Variants in DLG2 observed in about 807,000 individuals in gnomAD.
DLG2 encodes disks large homolog 2.
DLG2 carries 45 observed loss-of-function variants against 132.5 expected under a neutral mutation model. The ratio of observed to expected loss-of-function variants is 0.34; its 90% CI spans 0.27 to 0.44. The LOEUF is 0.44. Ranked by LOEUF, DLG2 falls within the 20% of genes least tolerant of loss-of-function variation. The probability of loss-of-function intolerance (pLI) is 1.00; values close to 1 mark genes in which losing one functional copy is unlikely to be tolerated. For missense variants in DLG2, 1,045 were observed against 1,196.9 expected, an observed-to-expected ratio of 0.87 and a Z score of 1.87; for synonymous variants, 424 against 419.6, an observed-to-expected ratio of 1.01 and a Z score of -0.13.
chr11:85,049,554 A>G (rs2062691227), intron 6 of DLG2, among the ~76,000 whole-genome samples: 1 of 152,096 alleles, frequency 6.6e-6, no homozygotes, highest in South Asian at 2.1e-4. Context: ...AGATGCCAGT[A>G]ATTATCTGCA....
chr11:84,600,398 T>G (rs2099574328), intron 6 of DLG2, among the ~76,000 whole-genome samples: 1 of 152,106 alleles, frequency 6.6e-6, no homozygotes, highest in Non-Finnish European at 1.5e-5. Flanking sequence ...TATTATTAAC[T>G]TGTATTGGTA....
intron 21 of DLG2, among the ~76,000 whole-genome samples, chr11:83,487,517 T>A (rs1432631027): frequency 6.6e-6 from 1 of 152,056 alleles, no homozygotes; most frequent in Non-Finnish European, 1.5e-5. Flanking sequence ...AAGTCAGAAA[T>A]TGAATTTGCA....
chr11:85,323,665 C>T (rs929433614), intron 3 of DLG2, among the ~76,000 whole-genome samples: 1 of 152,174 alleles, frequency 6.6e-6, no homozygotes, highest in Non-Finnish European at 1.5e-5. Flanking sequence ...TCCCTACTAC[C>T]TTTCTCAGCT....
intron 21 of DLG2, among the ~76,000 whole-genome samples, chr11:83,508,403 A>ATTTTTTTTCT (rs2094841040): frequency 1.2e-5 from 1 of 80,238 alleles, no homozygotes; most frequent in Non-Finnish European, 2.2e-5. Context: ...CGCCTGGCTA[A>ATTTTTTTTCT]TTTTTTTTTT....
intron 6 of DLG2, among the ~76,000 whole-genome samples, chr11:84,729,966 A>G (rs1485491909): frequency 3.3e-5 from 5 of 152,004 alleles, no homozygotes; most frequent in Non-Finnish European, 5.9e-5. Context: ...GTTTTTTGAA[A>G]TAATTATTGT....
chr11:84,367,628 C>A (rs2098689560), intron 7 of DLG2, among the ~76,000 whole-genome samples: 1 of 151,964 alleles, frequency 6.6e-6, no homozygotes, highest in Non-Finnish European at 1.5e-5. Context: ...AATGGGTTAT[C>A]ATGGGAATGG....
intron 6 of DLG2, among the ~76,000 whole-genome samples, chr11:84,535,771 C>T (rs1378918840): frequency 6.6e-6 from 1 of 152,128 alleles, no homozygotes; most frequent in Non-Finnish European, 1.5e-5. Context: ...TACATCTGAC[C>T]TCTTAATCAG....
At chr11:85,069,682 G>A (rs1396710898) in intron 6 of DLG2, among the ~76,000 whole-genome samples, 1 of 152,094 alleles carries the variant, frequency 6.6e-6, no homozygotes, top group African/African-American at 2.4e-5. Flanking sequence ...TGGAGAAATA[G>A]GAACACTTTT....
chr11:84,741,447 C>T (rs2064658175), intron 6 of DLG2, among the ~76,000 whole-genome samples: 1 of 152,044 alleles, frequency 6.6e-6, no homozygotes, highest in Admixed American at 6.5e-5. Context: ...TACACGTACC[C>T]TTGATCTAAG....
intron 19 of DLG2, among the ~76,000 whole-genome samples, chr11:83,597,521 C>T (rs970828714): frequency 5.9e-5 from 9 of 151,660 alleles, no homozygotes; most frequent in Non-Finnish European, 1.2e-4. Flanking sequence ...CCGTCTCTAC[C>T]AAAATTAAAT....
intron 9 of DLG2, among the ~76,000 whole-genome samples, chr11:84,153,171 T>A (rs1216984858): frequency 6.6e-6 from 1 of 152,200 alleles, no homozygotes; most frequent in Non-Finnish European, 1.5e-5. Context: ...AGACCCTCAA[T>A]CTCTTCTGGC....
chr11:84,109,346 C>T (rs181977227), intron 9 of DLG2, among the ~76,000 whole-genome samples: 67 of 152,168 alleles, frequency 4.4e-4, no homozygotes. Flanking sequence ...ATGGGCTTTC[C>T]TGGAGAAACT....
intron 3 of DLG2, among the ~76,000 whole-genome samples, chr11:85,482,660 G>T (rs375813399): frequency 1.3e-5 from 2 of 152,032 alleles, no homozygotes; most frequent in Non-Finnish European, 2.9e-5. Flanking sequence ...CCAGCCTAAT[G>T]GTCCCAGGTA....
At chr11:85,391,918 G>C (rs1277292671) in intron 3 of DLG2, among the ~76,000 whole-genome samples, 1 of 152,012 alleles carries the variant, frequency 6.6e-6, no homozygotes. Flanking sequence ...ATTCAACATA[G>C]TACTAGAAGC....
In DLG2 at chr11:85,191,394, A is replaced by AAC. The variant is rs140066136; in HGVS notation, c.187-36745_187-36744dup. On this transcript the variant is annotated intron_variant, in intron 4 of 27. Transcript: ENST00000376104. ...TCCCACCACACACCACACCCCCACC[A>AAC]ACACACACACACACGTTGTTCCCCC... Among the ~76,000 whole-genome samples the AAC allele has an allele frequency of 4.8e-3, 701 of 145,818 alleles. 5 individuals are homozygous for AAC. Among genetic ancestry groups the AAC allele is most frequent in the African/African-American group, 0.016 (641 of 39,332 alleles).
intron 7 of DLG2, among the ~76,000 whole-genome samples, chr11:84,273,518 T>C (rs2097757155): frequency 6.6e-6 from 1 of 152,002 alleles, no homozygotes; most frequent in South Asian, 2.1e-4. Flanking sequence ...CCATCAGTGC[T>C]CTCCTGTCTT....
rs1019120417 is a variant in DLG2 at position 85,511,312 on chromosome 11, T to G, written c.40+87345A>C. 5.3e-5 allele frequency among the ~76,000 whole-genome samples: 8 copies of G among 152,072 alleles called. No homozygotes were observed. In the South Asian group the frequency reaches 8.3e-4, roughly 16 times the overall value. Reference sequence around the variant, plus strand: ...GGGTGCAGCATACCAACATGGCACATGTATACACATGTAACAAACCTGCAT... The same window carrying G: ...GGGTGCAGCATACCAACATGGCACAGGTATACACATGTAACAAACCTGCAT... On this transcript the variant is annotated intron_variant, in intron 3 of 27. Coordinates refer to ENST00000376104, the MANE Select transcript of DLG2 (RefSeq NM_001142699.3).
At chr11:83,790,872 C>T in intron 17 of DLG2, 1 of 748,726 alleles carries the variant, frequency 1.3e-6, no homozygotes, top group Admixed American at 2.0e-5. Flanking sequence ...GCTACTTGAT[C>T]CTTCCAAAGG....
intron 4 of DLG2, among the ~76,000 whole-genome samples, chr11:85,275,048 T>A (rs2077801519): frequency 6.6e-6 from 1 of 152,220 alleles, no homozygotes; most frequent in African/African-American, 2.4e-5. Flanking sequence ...GGCTCCTATA[T>A]CACATGAAAA....
Sources: allele counts gnomAD v4.1 joint callset (sites outside exome capture counted in the v4.1 genomes callset), GRCh38; gene constraint gnomAD v4.1.1; transcripts MANE v1.5; gene names NCBI Gene and HGNC (gene_info 2026-07-23, HGNC 2026-07-21).